Variants in STK31 observed in about 807,000 individuals in gnomAD.
STK31 encodes serine/threonine-protein kinase 31.
A neutral mutation model predicts 129.7 loss-of-function variants in STK31; 89 were observed. The ratio of observed to expected loss-of-function variants is 0.69; its 90% CI spans 0.58 to 0.82. STK31 has a LOEUF of 0.82. Ranked by LOEUF, STK31 falls within the 40% of genes least tolerant of loss-of-function variation. The pLI, the probability that STK31 is intolerant of heterozygous loss-of-function variation, is 0.00. For synonymous variants in STK31, 448 were observed against 395.3 expected (o/e 1.13, Z -1.58); for missense variants, 1,187 against 1,176.4 (o/e 1.01, Z -0.13).
chr7:23,801,374 T>A (rs1428528765), intron 22 of STK31, among the ~76,000 whole-genome samples: 1 of 152,166 alleles, frequency 6.6e-6, no homozygotes, highest in Non-Finnish European at 1.5e-5. Flanking sequence ...GTCTTTTGCC[T>A]GTTTTTTAAT....
chr7:23,815,201 C>T lies in STK31; in HGVS notation c.2818C>T (p.Gln940Ter). ...INKDGIPKVD[Q>*]FHLDDKVKSL... The stretch of plus-strand genomic sequence containing the variant: ...TAAAGATGGAATCCCCAAAGTGGAT[C>T]AGTTTCATCTGGTATGTGACCTTTT... Residue 940 changes from glutamine (Q) to a stop codon, truncating the protein, a stop_gained, in exon 23 of 24, where the codon CAG becomes TAG. Coordinates refer to ENST00000355870, the MANE Select transcript of STK31 (RefSeq NM_031414.5). LOFTEE classifies it high-confidence loss of function. The T allele has an allele frequency of 1.3e-6, 2 of 1,585,226 alleles. No individual in the cohort carries two copies. The highest frequency in any genetic ancestry group is 1.7e-6 in the Non-Finnish European group (2 of 1,167,066).
intron 4 of STK31, 35 bp downstream of exon 4, chr7:23,717,614 C>A: frequency 6.8e-7 from 1 of 1,468,268 alleles, no homozygotes; most frequent in Non-Finnish European, 9.4e-7. Context: ...TATTTCATTC[C>A]TCCTGTCAGC....
At chr7:23,795,134 C>T (rs1238643989) in intron 22 of STK31, among the ~76,000 whole-genome samples, 2 of 152,202 alleles carry the variant, frequency 1.3e-5, no homozygotes, top group African/African-American at 2.4e-5. Context: ...GCAGCCCTTC[C>T]CATCACAGGC....
intron 22 of STK31, among the ~76,000 whole-genome samples, chr7:23,813,884 G>T (rs934022368): frequency 3.3e-5 from 5 of 151,994 alleles, no homozygotes; most frequent in Non-Finnish European, 7.4e-5. Context: ...GTATTTACTG[G>T]ACCAGCTGCT....
intron 23 of STK31, among the ~76,000 whole-genome samples, chr7:23,828,028 C>T (rs1794285064): frequency 6.6e-6 from 1 of 152,180 alleles, no homozygotes; most frequent in Non-Finnish European, 1.5e-5. Context: ...CCCAGTTAGG[C>T]TACTCGGGAG....
chr7:23,810,970 A>T (rs2128125528), intron 22 of STK31, among the ~76,000 whole-genome samples: 1 of 146,998 alleles, frequency 6.8e-6, no homozygotes, highest in Middle Eastern at 3.5e-3. Flanking sequence ...CACCTACATG[A>T]TGTCTTATTT....
At chr7:23,741,419 G>C (rs910514776) in intron 8 of STK31, among the ~76,000 whole-genome samples, 18 of 152,122 alleles carry the variant, frequency 1.2e-4, no homozygotes, top group Admixed American at 6.5e-5. Context: ...TTTACATATA[G>C]TAAAAATGCA....
intron 15 of STK31, among the ~76,000 whole-genome samples, chr7:23,774,492 T>C (rs889352809): frequency 2.0e-5 from 3 of 152,232 alleles, no homozygotes; most frequent in Non-Finnish European, 4.4e-5. Flanking sequence ...TATGAGATCG[T>C]ATCTCACTGT....
chr7:23,760,408 G>T (rs1406635582), intron 10 of STK31, among the ~76,000 whole-genome samples: 2 of 152,186 alleles, frequency 1.3e-5, no homozygotes, highest in Non-Finnish European at 2.9e-5. Flanking sequence ...GTTTAGTTTG[G>T]AGAAGGGATT....
rs1282268330 is a variant in STK31 at position 23,817,204 on chromosome 7, T to A, written c.2829+1992T>A. ...CTTTGTCTCAAAAAAAAAAAAATAA[T>A]AATAATAATCTGCCTGTAATCTGCA... On this transcript the variant is annotated intron_variant, in intron 23 of 23. Coordinates refer to ENST00000355870, the MANE Select transcript of STK31 (RefSeq NM_031414.5). Among the ~76,000 whole-genome samples, 11 of 151,932 alleles carry A rather than the reference T, an allele frequency of 7.2e-5. No individual in the cohort carries two copies. The East Asian group carries it at 2.1e-3, about 29-fold the overall frequency.
chr7:23,762,992 A>G, intron 11 of STK31, 69 bp downstream of exon 11: 1 of 1,342,590 alleles, frequency 7.4e-7, no homozygotes, highest in Non-Finnish European at 9.9e-7. Context: ...ATTAGCATTT[A>G]CCTTAAGACT....
intron 23 of STK31, among the ~76,000 whole-genome samples, chr7:23,830,592 TTGTGTGTGTGTGTG>T (rs3034048): frequency 6.5e-4 from 93 of 142,246 alleles, no homozygotes; most frequent in African/African-American, 2.3e-3. Flanking sequence ...AATTTCCATG[TTGTGTGTGTGTGTG>T]TGTGTGTGTG....
chr7:23,742,422 C>G (rs1293203222), intron 8 of STK31, among the ~76,000 whole-genome samples: 1 of 152,186 alleles, frequency 6.6e-6, no homozygotes, highest in East Asian at 1.9e-4. Flanking sequence ...GGTATCTAAA[C>G]TCTTAAAGTG....
chr7:23,730,898 G>A, intron 6 of STK31, among the ~76,000 whole-genome samples: 2 of 30,286 alleles, frequency 6.6e-5, no homozygotes, highest in East Asian at 1.7e-3. Flanking sequence ...TTTTTTTTTG[G>A]TTGGGGGTTG....
intron 9 of STK31, among the ~76,000 whole-genome samples, chr7:23,753,408 C>T (rs111884017): frequency 6.9e-4 from 105 of 152,208 alleles, no homozygotes; most frequent in Admixed American, 1.4e-3. Context: ...GTGTCATGTC[C>T]AGGATTGGTT....
At chr7:23,748,134 A>G (rs904564814) in intron 8 of STK31, among the ~76,000 whole-genome samples, 7 of 152,178 alleles carry the variant, frequency 4.6e-5, no homozygotes, top group Non-Finnish European at 8.8e-5. Flanking sequence ...GCGTTCTACA[A>G]ATTTTGGTAA....
At chr7:23,797,331 A>G (rs1023894413) in intron 22 of STK31, among the ~76,000 whole-genome samples, 1 of 152,096 alleles carries the variant, frequency 6.6e-6, no homozygotes, top group African/African-American at 2.4e-5. Flanking sequence ...AGCACCACAT[A>G]ACACTTATTC....
At chr7:23,815,008 C>T (rs1241848037) in intron 22 of STK31, 136 bp from the exon 23 acceptor site, 2 of 562,798 alleles carry the variant, frequency 3.6e-6, no homozygotes, top group African/African-American at 1.9e-5. Flanking sequence ...GTGCTTTTAC[C>T]CTGTAAGAGA....
intron 17 of STK31, 72 bp downstream of exon 17, chr7:23,783,735 C>G: frequency 8.1e-7 from 1 of 1,233,948 alleles, no homozygotes; most frequent in South Asian, 1.4e-5. Context: ...AAATTTGTGT[C>G]AGTGTTAAAC....
Sources: allele counts gnomAD v4.1 joint callset (sites outside exome capture counted in the v4.1 genomes callset), GRCh38; gene constraint gnomAD v4.1.1; transcripts MANE v1.5; gene names NCBI Gene and HGNC (gene_info 2026-07-23, HGNC 2026-07-21).